The following KHDRBS3 variants were observed in gnomAD, a reference collection of about 807,000 sequenced individuals.
KHDRBS3 encodes the protein KH RNA binding domain containing, signal transduction associated 3.
In KHDRBS3, 23 loss-of-function variants were observed where a neutral mutation model predicts 45.6. The ratio of observed to expected loss-of-function variants is 0.50; its 90% CI spans 0.36 to 0.72. The LOEUF is 0.72. KHDRBS3 is among the 30% of genes least tolerant of loss of function. The pLI, the probability that KHDRBS3 is intolerant of heterozygous loss-of-function variation, is 0.00. For missense variants in KHDRBS3, 352 were observed against 424.8 expected (o/e 0.83, Z 1.51); for synonymous variants, 162 against 156.5 (o/e 1.04, Z -0.26).
At chr8:135,514,594 G>T (rs536710653) in intron 1 of KHDRBS3, among the ~76,000 whole-genome samples, 2 of 152,184 alleles carry the variant, frequency 1.3e-5, no homozygotes, top group Non-Finnish European at 2.9e-5. Context: ...TGTGCATAGG[G>T]TTTCACTTGT....
intron 2 of KHDRBS3, among the ~76,000 whole-genome samples, chr8:135,524,467 A>G (rs547625560): frequency 5.8e-4 from 89 of 152,362 alleles, no homozygotes; most frequent in African/African-American, 2.0e-3. Context: ...CAGTGAAGCA[A>G]TCTGGGCCTG....
intron 1 of KHDRBS3, among the ~76,000 whole-genome samples, chr8:135,515,363 C>T (rs1824529266): frequency 3.6e-5 from 1 of 27,628 alleles, no homozygotes; most frequent in Non-Finnish European, 6.8e-5. Flanking sequence ...GAGACTCCGT[C>T]TTAAAAAAAA....
At chr8:135,533,427 A>G (rs1001046637) in intron 2 of KHDRBS3, among the ~76,000 whole-genome samples, 16 of 152,148 alleles carry the variant, frequency 1.1e-4, no homozygotes, top group Non-Finnish European at 4.4e-5. Context: ...CTTGGCCTAG[A>G]TAAGTATTGC....
At chr8:135,561,979 TTAAA>T (rs1235748253) in intron 5 of KHDRBS3, among the ~76,000 whole-genome samples, 1 of 151,790 alleles carries the variant, frequency 6.6e-6, no homozygotes, top group Non-Finnish European at 1.5e-5. Context: ...GTCAAAAAGT[TTAAA>T]AAAAAAAGTT....
intron 7 of KHDRBS3, among the ~76,000 whole-genome samples, chr8:135,633,249 A>T (rs1490272424): frequency 6.6e-6 from 1 of 152,228 alleles, no homozygotes; most frequent in East Asian, 1.9e-4. Flanking sequence ...GATTTTGTGC[A>T]TGGCCACTGC....
intron 1 of KHDRBS3, among the ~76,000 whole-genome samples, chr8:135,480,214 T>A (rs1344653298): frequency 6.6e-6 from 1 of 152,198 alleles, no homozygotes; most frequent in African/African-American, 2.4e-5. Context: ...ATTATATTTG[T>A]GAAAGGATCA....
At chr8:135,596,061 G>T (rs1328898751) in intron 6 of KHDRBS3, among the ~76,000 whole-genome samples, 1 of 152,088 alleles carries the variant, frequency 6.6e-6, no homozygotes, top group Non-Finnish European at 1.5e-5. Flanking sequence ...GGGGGAAAAT[G>T]AAAATGAAAG....
intron 2 of KHDRBS3, chr8:135,539,573 A>T (rs1026894044): frequency 4.6e-5 from 7 of 152,250 alleles, no homozygotes; most frequent in African/African-American, 1.7e-4. Context: ...CTAATTTGGC[A>T]TCAAGTATAC....
intron 1 of KHDRBS3, among the ~76,000 whole-genome samples, chr8:135,514,229 T>A (rs1824449705): frequency 6.6e-6 from 1 of 152,194 alleles, no homozygotes; most frequent in African/African-American, 2.4e-5. Context: ...CATTTTCACA[T>A]CTCACTTCAG....
chr8:135,482,707 A>G (rs1822644666), intron 1 of KHDRBS3, among the ~76,000 whole-genome samples: 1 of 152,132 alleles, frequency 6.6e-6, no homozygotes, highest in African/African-American at 2.4e-5. Flanking sequence ...GGTCTGATAG[A>G]ATGGATATAA....
chr8:135,619,014 A>C (rs1232597012), intron 7 of KHDRBS3, among the ~76,000 whole-genome samples: 2 of 152,148 alleles, frequency 1.3e-5, no homozygotes, highest in Non-Finnish European at 2.9e-5. Context: ...ATATCTGCTC[A>C]TTTTCTGTGC....
At chr8:135,612,676 A>C (rs2062564267) in intron 7 of KHDRBS3, among the ~76,000 whole-genome samples, 2 of 151,822 alleles carry the variant, frequency 1.3e-5, no homozygotes, top group African/African-American at 4.9e-5. Flanking sequence ...AGAATTCTTC[A>C]CTTGGCCTCC....
chr8:135,485,842 T>TTATATATATATATATATA (rs34886021), intron 1 of KHDRBS3, among the ~76,000 whole-genome samples: 1,267 of 119,968 alleles, frequency 0.011, 24 homozygotes, highest in East Asian at 0.045. Flanking sequence ...CATTTCAAGT[T>TTATATATATATATATATA]TATATATATA....
intron 1 of KHDRBS3, among the ~76,000 whole-genome samples, chr8:135,497,497 A>T (rs527465074): frequency 1.1e-4 from 17 of 152,232 alleles, no homozygotes; most frequent in African/African-American, 3.9e-4. Context: ...TTTTATCACA[A>T]GCATCACAAG....
chr8:135,506,406 T>C (rs1407449584), intron 1 of KHDRBS3, among the ~76,000 whole-genome samples: 2 of 145,736 alleles, frequency 1.4e-5, no homozygotes, highest in Non-Finnish European at 3.0e-5. Context: ...ACATTCCTCT[T>C]TTTTTTTTTT....
chr8:135,548,455 A>G (rs1333364504), intron 3 of KHDRBS3, among the ~76,000 whole-genome samples: 3 of 152,162 alleles, frequency 2.0e-5, no homozygotes, highest in African/African-American at 7.2e-5. Flanking sequence ...AGACTGGAGA[A>G]GGTGAAGACA....
chr8:135,506,414 T>A (rs1823997488), intron 1 of KHDRBS3, among the ~76,000 whole-genome samples: 1 of 151,518 alleles, frequency 6.6e-6, no homozygotes, highest in Non-Finnish European at 1.5e-5. Flanking sequence ...CTTTTTTTTT[T>A]TTTTTTTGAG....
intron 1 of KHDRBS3, among the ~76,000 whole-genome samples, chr8:135,478,228 C>T (rs1370864065): frequency 3.3e-5 from 5 of 152,122 alleles, no homozygotes; most frequent in Non-Finnish European, 7.4e-5. Context: ...CCTTACATAC[C>T]CATTTTAGAT....
At chr8:135,529,956 TAGG>T (rs953574018) in intron 2 of KHDRBS3, among the ~76,000 whole-genome samples, 22 of 150,512 alleles carry the variant, frequency 1.5e-4, no homozygotes, top group African/African-American at 4.9e-4. Context: ...GAGGCTGAGG[TAGG>T]AGAATGGTGT....
Sources: gnomAD v4.1 joint callset for allele counts (sites outside exome capture counted in the v4.1 genomes callset) on GRCh38, gnomAD v4.1.1 for gene constraint, MANE v1.5 for transcripts, NCBI Gene and HGNC (gene_info 2026-07-23, HGNC 2026-07-21) for gene names.